The following ZNF503 variants were observed in gnomAD, a reference collection of about 807,000 sequenced individuals.
ZNF503 encodes the protein zinc finger protein 503.
ZNF503 carries 15 observed loss-of-function variants against 34.4 expected under a neutral mutation model. The observed-to-expected ratio is 0.44, with a 90% CI of 0.29 to 0.67. The LOEUF (loss-of-function observed/expected upper bound fraction) is 0.67. Ranked by LOEUF, ZNF503 falls within the 30% of genes least tolerant of loss-of-function variation. The probability of loss-of-function intolerance (pLI) is 0.13; values close to 1 mark genes in which losing one functional copy is unlikely to be tolerated. For missense variants in ZNF503, 1,007 were observed against 926.8 expected (o/e 1.09, Z -1.12); for synonymous variants, 580 against 456.8 (o/e 1.27, Z -3.44).
the ZNF503 span, among the ~76,000 whole-genome samples, chr10:75,367,032 G>A: frequency 6.6e-6 from 1 of 152,170 alleles, no homozygotes; most frequent in African/African-American, 2.4e-5. Flanking sequence ...GAGGTTAGCT[G>A]GCTGCACCAC....
At chr10:75,293,329 G>A in the ZNF503 span, among the ~76,000 whole-genome samples, 1 of 152,150 alleles carries the variant, frequency 6.6e-6, no homozygotes, top group Non-Finnish European at 1.5e-5. Context: ...CAAGGTCATT[G>A]TGGGCCAGGA....
the ZNF503 span, among the ~76,000 whole-genome samples, chr10:75,298,177 T>C: frequency 6.6e-6 from 1 of 152,196 alleles, no homozygotes; most frequent in Non-Finnish European, 1.5e-5. Flanking sequence ...TGGGATCCAT[T>C]TTTTAAAAAT....
the ZNF503 span, among the ~76,000 whole-genome samples, chr10:75,322,124 C>A: frequency 8.4e-6 from 1 of 119,116 alleles, no homozygotes; most frequent in African/African-American, 3.6e-5. Context: ...TTTACCACCA[C>A]CAATTTTTTT....
chr10:75,374,216 C>T, the ZNF503 span, among the ~76,000 whole-genome samples: 10 of 152,216 alleles, frequency 6.6e-5, no homozygotes, highest in South Asian at 1.2e-3. Context: ...GTGGGAGAAT[C>T]GCTTGAACCT....
At chr10:75,352,962 G>T in the ZNF503 span, among the ~76,000 whole-genome samples, 1 of 152,172 alleles carries the variant, frequency 6.6e-6, no homozygotes, top group Non-Finnish European at 1.5e-5. Flanking sequence ...TCTGTAGGGG[G>T]TGTTCTAGAG....
At chr10:75,308,679 CA>C in the ZNF503 span, among the ~76,000 whole-genome samples, 7 of 152,270 alleles carry the variant, frequency 4.6e-5, no homozygotes, top group Admixed American at 6.5e-5. Flanking sequence ...CATCTGATCT[CA>C]TAAATGACTT....
At chr10:75,397,135 G>A (rs922861289), downstream of ZNF503, among the ~76,000 whole-genome samples, 19 of 151,982 alleles carry the variant, frequency 1.3e-4, 1 homozygote, top group African/African-American at 3.6e-4. Flanking sequence ...GCCGGCTGCA[G>A]AGCCACCCGG....
chr10:75,379,950 C>T, the ZNF503 span, among the ~76,000 whole-genome samples: 6 of 152,156 alleles, frequency 3.9e-5, no homozygotes, highest in Non-Finnish European at 5.9e-5. Flanking sequence ...GGGGTGCACG[C>T]CACACACCCA....
the ZNF503 span, among the ~76,000 whole-genome samples, chr10:75,335,527 C>A: frequency 6.6e-6 from 1 of 152,052 alleles, no homozygotes; most frequent in African/African-American, 2.4e-5. Flanking sequence ...TCTAAGAGAC[C>A]CCCAGGTGAT....
At chr10:75,366,563 C>T in the ZNF503 span, among the ~76,000 whole-genome samples, 2 of 152,228 alleles carry the variant, frequency 1.3e-5, no homozygotes, top group Admixed American at 6.5e-5. Context: ...CATGTAAGTG[C>T]CTCAGAGGGA....
At chr10:75,387,492 C>G in the ZNF503 span, among the ~76,000 whole-genome samples, 1 of 152,204 alleles carries the variant, frequency 6.6e-6, no homozygotes, top group Non-Finnish European at 1.5e-5. Context: ...GCACTACATA[C>G]AGTATTTGGC....
the ZNF503 span, among the ~76,000 whole-genome samples, chr10:75,346,034 T>G: frequency 6.6e-6 from 1 of 152,204 alleles, no homozygotes; most frequent in Non-Finnish European, 1.5e-5. Context: ...GACTGTTCAG[T>G]TCTGTCTGCA....
the ZNF503 span, among the ~76,000 whole-genome samples, chr10:75,334,007 T>C: frequency 8.7e-6 from 1 of 115,280 alleles, no homozygotes; most frequent in Non-Finnish European, 1.8e-5. Context: ...GCTCCTCACT[T>C]CCTAGATGGG....
chr10:75,397,805 T>C (rs948398041), downstream of ZNF503: 3 of 152,582 alleles, frequency 2.0e-5, no homozygotes, highest in African/African-American at 7.2e-5. Flanking sequence ...ATGCTCTCTT[T>C]AACCAAAATA....
Position 75,398,926 on chromosome 10 carries a change from C to G in ZNF503, c.1764G>C (p.Ala588=), listed in dbSNP as rs569197381. 2.2e-4 allele frequency: 352 copies of G among 1,583,358 alleles called. 1 individual carries two copies. In the South Asian group the frequency reaches 3.7e-3, roughly 16 times the overall value. Residue 588 remains alanine, a synonymous_variant, in exon 2 of 2, where the codon GCG becomes GCC. Transcript: ENST00000372524. The part of the protein sequence containing the change: ...SGAPGSPGTL[A]LRSPHHALGL... ...CCAGCGCGTGGTGGGGGCTGCGCAG[C>G]GCCAGCGTCCCAGGGCTGCCCGGTG...
the ZNF503 span, among the ~76,000 whole-genome samples, chr10:75,321,000 G>C: frequency 6.6e-6 from 1 of 152,156 alleles, no homozygotes; most frequent in South Asian, 2.1e-4. Flanking sequence ...AGGAGGTGGG[G>C]CCTGGTGGGA....
At chr10:75,356,654 G>T in the ZNF503 span, among the ~76,000 whole-genome samples, 3 of 152,348 alleles carry the variant, frequency 2.0e-5, no homozygotes, top group African/African-American at 4.8e-5. Context: ...AGTCTACCGT[G>T]TGCCAGCTGC....
the ZNF503 span, among the ~76,000 whole-genome samples, chr10:75,392,363 G>A: frequency 1.9e-3 from 286 of 152,300 alleles, no homozygotes; most frequent in Non-Finnish European, 1.8e-3. Flanking sequence ...CCTGGTCCCT[G>A]GTACAGTGAC....
At chr10:75,301,804 A>G in the ZNF503 span, among the ~76,000 whole-genome samples, 2 of 152,090 alleles carry the variant, frequency 1.3e-5, no homozygotes, top group Non-Finnish European at 2.9e-5. Context: ...TACTGTTGTC[A>G]TTTATATTAC....
Sources: allele counts gnomAD v4.1 joint callset (sites outside exome capture counted in the v4.1 genomes callset), GRCh38; gene constraint gnomAD v4.1.1; transcripts MANE v1.5; gene names NCBI Gene and HGNC (gene_info 2026-07-23, HGNC 2026-07-21).